AGMO: variants seen among roughly 807,000 people sequenced by gnomAD.
AGMO encodes the protein alkylglycerol monooxygenase.
AGMO carries 75 observed loss-of-function variants against 60.2 expected under a neutral mutation model. That is an observed-to-expected ratio of 1.25 (90% CI 1.03 to 1.51). AGMO has a LOEUF of 1.51. Among genes scored for constraint, AGMO ranks in the 40% most tolerant of loss-of-function variants. AGMO has a pLI of 0.00. For synonymous variants in AGMO, 261 were observed against 177.1 expected (o/e 1.47, Z -3.76); for missense variants, 763 against 525.5 (o/e 1.45, Z -4.42).
chr7:15,209,500 G>C (rs914212196), intron 12 of AGMO, among the ~76,000 whole-genome samples: 1 of 152,050 alleles, frequency 6.6e-6, no homozygotes, highest in Admixed American at 6.6e-5. Context: ...AGATTCTTTC[G>C]TATTGTTTTT....
intron 3 of AGMO, among the ~76,000 whole-genome samples, chr7:15,496,103 A>G (rs1315144243): frequency 1.3e-5 from 2 of 152,114 alleles, no homozygotes; most frequent in South Asian, 2.1e-4. Flanking sequence ...TTGGATATAG[A>G]TTTGCACAGC....
At chr7:15,333,238 T>C (rs1781551947) in intron 12 of AGMO, among the ~76,000 whole-genome samples, 1 of 152,092 alleles carries the variant, frequency 6.6e-6, no homozygotes, top group Admixed American at 6.6e-5. Flanking sequence ...AAATGCAAAA[T>C]ACACACTGAA....
chr7:15,208,998 A>T (rs1254585472), intron 12 of AGMO, among the ~76,000 whole-genome samples: 1 of 152,190 alleles, frequency 6.6e-6, no homozygotes, highest in Non-Finnish European at 1.5e-5. Flanking sequence ...TAAAGCATTT[A>T]CATTTTAAAA....
intron 2 of AGMO, among the ~76,000 whole-genome samples, chr7:15,555,272 T>TAG (rs1471228940): frequency 1.2e-5 from 1 of 84,472 alleles, no homozygotes; most frequent in African/African-American, 7.3e-5. Flanking sequence ...TATTGGATCA[T>TAG]ATATATATAT....
intron 3 of AGMO, among the ~76,000 whole-genome samples, chr7:15,451,541 G>A (rs1484804365): frequency 6.6e-6 from 1 of 152,046 alleles, no homozygotes; most frequent in Non-Finnish European, 1.5e-5. Context: ...TTCTTACATG[G>A]TGGACGAGCA....
At chr7:15,483,961 A>C (rs1782840883) in intron 3 of AGMO, among the ~76,000 whole-genome samples, 1 of 152,184 alleles carries the variant, frequency 6.6e-6, no homozygotes, top group Non-Finnish European at 1.5e-5. Flanking sequence ...TATTGGTGCA[A>C]GGATAGAAAA....
chr7:15,222,673 G>C (rs1252545319), intron 12 of AGMO, among the ~76,000 whole-genome samples: 4 of 151,862 alleles, frequency 2.6e-5, no homozygotes, highest in Non-Finnish European at 5.9e-5. Flanking sequence ...CAAACTTACA[G>C]AAAAATGGAA....
intron 12 of AGMO, among the ~76,000 whole-genome samples, chr7:15,322,722 A>C (rs1404682230): frequency 5.0e-5 from 2 of 40,336 alleles, no homozygotes; most frequent in Non-Finnish European, 7.9e-5. Flanking sequence ...ATAAATATAT[A>C]AATATATATA....
At chr7:15,152,776 G>T in the AGMO span, among the ~76,000 whole-genome samples, 2 of 151,976 alleles carry the variant, frequency 1.3e-5, no homozygotes, top group African/African-American at 4.8e-5. Context: ...CCGTATTTTT[G>T]CAATTGCAAA....
chr7:15,233,446 C>T (rs959848235), intron 12 of AGMO, among the ~76,000 whole-genome samples: 9 of 151,862 alleles, frequency 5.9e-5, no homozygotes, highest in South Asian at 2.1e-4. Flanking sequence ...GGGAGGGATT[C>T]GAATACGGAG....
rs952453078 is a variant in AGMO, at chr7:15,475,519, C to T, written c.410-44411G>A. On this transcript the variant is annotated intron_variant, in intron 3 of 12. Coordinates refer to ENST00000342526, the MANE Select transcript of AGMO (RefSeq NM_001004320.2). ...GAATACATGGATGCAGGGAGGGGAA[C>T]ATCACACACTGGGGCCTGTCGGATG... 7.9e-5 allele frequency among the ~76,000 whole-genome samples: 12 copies of T among 151,954 alleles called. No homozygotes were observed. In the East Asian group the frequency reaches 1.9e-3, roughly 25 times the overall value.
chr7:15,238,208 T>A lies in AGMO; in HGVS notation c.1264-36849A>T, dbSNP rs1782484928. 4.6e-5 allele frequency among the ~76,000 whole-genome samples: 7 copies of A among 152,196 alleles called. 1 individual carries two copies. In the South Asian group the frequency reaches 1.4e-3, roughly 32 times the overall value. Reference sequence around the variant, plus strand: ...TTCATAGGCATTTAAAACAAGTGTCTGTGGCAATTTTTCTTTTTCAATACA... The same window carrying A: ...TTCATAGGCATTTAAAACAAGTGTCAGTGGCAATTTTTCTTTTTCAATACA... On this transcript the variant is annotated intron_variant, in intron 12 of 12. Coordinates refer to ENST00000342526, the MANE Select transcript of AGMO (RefSeq NM_001004320.2).
intron 3 of AGMO, among the ~76,000 whole-genome samples, chr7:15,487,800 G>C (rs1452750135): frequency 6.6e-6 from 1 of 151,998 alleles, no homozygotes; most frequent in Admixed American, 6.6e-5. Flanking sequence ...ACTATATTCA[G>C]AGCCCTTGAA....
chr7:15,249,477 T>C (rs1267638733), intron 12 of AGMO, among the ~76,000 whole-genome samples: 1 of 152,224 alleles, frequency 6.6e-6, no homozygotes, highest in Non-Finnish European at 1.5e-5. Flanking sequence ...TAATTTGTCA[T>C]TGTTTTCCTG....
intron 12 of AGMO, among the ~76,000 whole-genome samples, chr7:15,244,870 T>C (rs967525340): frequency 6.6e-6 from 1 of 152,172 alleles, no homozygotes; most frequent in Non-Finnish European, 1.5e-5. Context: ...CTCAGGATGG[T>C]CTCGATCTCC....
the AGMO span, among the ~76,000 whole-genome samples, chr7:15,166,300 A>C: frequency 6.6e-6 from 1 of 152,118 alleles, no homozygotes; most frequent in Admixed American, 6.6e-5. Flanking sequence ...CCCTCCTGAC[A>C]CGTTAGGGAA....
rs1583286938 is a variant in AGMO, at chr7:15,200,952, T to A, written c.*333A>T. ...ATCAAAGGAAACATTGTTTTCAAAT[T>A]GATGTAAAGGCAATATTCCTTCTTG... On this transcript the variant is annotated 3_prime_UTR_variant, in exon 13 of 13. Coordinates refer to ENST00000342526, the MANE Select transcript of AGMO (RefSeq NM_001004320.2). The A allele has an allele frequency of 5.4e-6, 1 of 184,442 alleles. No homozygotes were observed. Among genetic ancestry groups the A allele is most frequent in the Non-Finnish European group, 1.1e-5 (1 of 90,084 alleles). 11.4% of individuals were successfully genotyped at this position (184,442 alleles called of 1,614,324 possible). A position where few individuals can be genotyped will look rare whatever the true frequency, so the allele number is the denominator to read the frequency against.
rs868183568 is a variant in AGMO at position 15,270,635 on chromosome 7, T to G, written c.1264-69276A>C. On this transcript the variant is annotated intron_variant, in intron 12 of 12. Transcript: ENST00000342526. Reference sequence around the variant, plus strand: ...TTTTTTTTTTTTTTTTTTTTTTTTTTTTGCTGTGCAGAAGCTTTTGGGTTT... The same window carrying G: ...TTTTTTTTTTTTTTTTTTTTTTTTTGTTGCTGTGCAGAAGCTTTTGGGTTT... Among the ~76,000 whole-genome samples the G allele has an allele frequency of 5.2e-3, 601 of 116,314 alleles. 6 individuals carry two copies. The highest frequency in any genetic ancestry group is 0.019 in the African/African-American group (575 of 29,512). The allele number at this position is 116,314 out of a possible 152,430, so 76.3% of individuals were successfully genotyped here. A position where few individuals can be genotyped will look rare whatever the true frequency, so the allele number is the denominator to read the frequency against.
chr7:15,225,773 T>C (rs752132961), intron 12 of AGMO, among the ~76,000 whole-genome samples: 3 of 151,974 alleles, frequency 2.0e-5, no homozygotes, highest in Non-Finnish European at 4.4e-5. Context: ...TCATAAAATA[T>C]TTAGGAAAAA....
Sources: gnomAD v4.1 joint callset for allele counts (sites outside exome capture counted in the v4.1 genomes callset) on GRCh38, gnomAD v4.1.1 for gene constraint, MANE v1.5 for transcripts, NCBI Gene and HGNC (gene_info 2026-07-23, HGNC 2026-07-21) for gene names.